Variants in DNAH8 observed in about 807,000 individuals in gnomAD.
DNAH8 encodes the protein axonemal beta dynein heavy chain 8.
A neutral mutation model predicts 562.1 loss-of-function variants in DNAH8; 382 were observed. That is an observed-to-expected ratio of 0.68 (90% CI 0.63 to 0.74). DNAH8 has a LOEUF of 0.74. Among genes scored for constraint, DNAH8 ranks in the 30% least tolerant of loss-of-function variants. The probability of loss-of-function intolerance (pLI) is 0.00; values close to 1 mark genes in which losing one functional copy is unlikely to be tolerated. For missense variants in DNAH8, 5,203 were observed against 5,620.4 expected, an observed-to-expected ratio of 0.93 and a Z score of 2.37; for synonymous variants, 1,881 against 1,919.4, an observed-to-expected ratio of 0.98 and a Z score of 0.52.
At chr6:38,882,714 A>C (rs1156290650) in intron 53 of DNAH8, among the ~76,000 whole-genome samples, 196 bp from the exon 54 acceptor site, 1 of 152,198 alleles carries the variant, frequency 6.6e-6, no homozygotes, top group Non-Finnish European at 1.5e-5. Flanking sequence ...TTAAAAGCTG[A>C]CTTTATAAAA....
chr6:38,957,582 C>T (rs1762326806), intron 82 of DNAH8, among the ~76,000 whole-genome samples: 1 of 145,804 alleles, frequency 6.9e-6, no homozygotes, highest in African/African-American at 2.5e-5. Context: ...TATGAAGCCA[C>T]AAAACAAGTC....
intron 26 of DNAH8, among the ~76,000 whole-genome samples, chr6:38,817,978 T>A (rs1772443186): frequency 6.6e-6 from 1 of 152,186 alleles, no homozygotes; most frequent in Non-Finnish European, 1.5e-5. Context: ...ACAGTTCTTT[T>A]AAATATATTT....
chr6:38,940,513 T>C (rs184012361), intron 79 of DNAH8, among the ~76,000 whole-genome samples: 1 of 152,278 alleles, frequency 6.6e-6, no homozygotes, highest in Admixed American at 6.5e-5. Flanking sequence ...AACCAAGGTG[T>C]ACTTCTCATT....
chr6:38,945,771 T>C (rs1344722863), intron 80 of DNAH8, among the ~76,000 whole-genome samples, 183 bp downstream of exon 80: 1 of 152,188 alleles, frequency 6.6e-6, no homozygotes, highest in African/African-American at 2.4e-5. Flanking sequence ...GGTTAACCTC[T>C]TCATAGTTGC....
Position 38,921,435 on chromosome 6 carries a change from C to T in DNAH8, c.10591C>T (p.Leu3531=), listed in dbSNP as rs150730516. Residue 3531 remains leucine, a synonymous_variant, in exon 71 of 93, where the codon CTG becomes TTG. Coordinates refer to ENST00000327475, the MANE Select transcript of DNAH8 (RefSeq NM_001206927.2). Reference sequence around the variant, plus strand: ...TGCTGAGTTAGGGAAGGCACAAGCCCTGCTGGATGAGAAGCAAGCTGAGCT... The same window carrying T: ...TGCTGAGTTAGGGAAGGCACAAGCCTTGCTGGATGAGAAGCAAGCTGAGCT... ...ANAELGKAQA[L]LDEKQAELDK... 411 of 1,613,768 alleles carry T rather than the reference C, an allele frequency of 2.5e-4. 1 individual carries two copies. In the African/African-American group the frequency reaches 4.7e-3, roughly 18 times the overall value.
At position 38,945,512 on chromosome 6, in the gene DNAH8, G is replaced by A. The variant is rs144156671; in HGVS notation, c.12053G>A (p.Arg4018His). 7.5e-5 allele frequency: 121 copies of A among 1,613,992 alleles called. No homozygotes were observed. Among genetic ancestry groups the A allele is most frequent in the African/African-American group, 2.8e-4 (21 of 74,912 alleles). ...DLKACPPKPYRWILDMTWLNL... is the reference protein window; with the variant it reads ...DLKACPPKPYHWILDMTWLNL... ...AAAGCCTGTCCTCCCAAACCCTATC[G>A]CTGGATCCTTGACATGACTTGGCTG... Residue 4018 changes from arginine to histidine, a missense_variant, in exon 80 of 93, where the codon CGC (arginine) becomes CAC (histidine). Around this residue, in one of 6 missense-constraint regions of DNAH8, gnomAD observed 1,399 missense variants for 1,518.4 expected, o/e 0.92. Transcript: ENST00000327475.
chr6:38,873,098 G>A lies in DNAH8; in HGVS notation c.7430G>A (p.Gly2477Asp), dbSNP rs770404842. 1 of 1,613,868 alleles carries A rather than the reference G, an allele frequency of 6.2e-7. No individual in the cohort carries two copies. The highest frequency in any genetic ancestry group is 1.1e-5 in the South Asian group (1 of 91,080). ...TCTCCTGCCACGGTTTCTAGGATGG[G>A]CATGGTCTATATCAGCAGCTCTGCT... ...NASPATVSRM[G>D]MVYISSSALS... The change falls in exon 51 of 93, where the codon GGC (glycine) becomes GAC (aspartate). Residue 2477 changes from glycine to aspartate, a missense_variant. Physicochemically the swap from Gly to Asp is moderately conservative, Grantham distance 94. This residue lies in a region of DNAH8 where 977 missense variants were observed against 1,061.8 expected (regional missense o/e 0.92). Transcript: ENST00000327475.
chr6:38,789,061 C>A (rs865941635), intron 18 of DNAH8, among the ~76,000 whole-genome samples: 1 of 152,058 alleles, frequency 6.6e-6, no homozygotes, highest in African/African-American at 2.4e-5. Context: ...TGTTATAAAT[C>A]GAAGCTAATA....
chr6:38,815,421 G>A lies in DNAH8; in HGVS notation c.3334-47G>A, dbSNP rs752127757. On this transcript the variant is annotated intron_variant, in intron 25 of 92. Transcript: ENST00000327475. ...TGGAGGTGGTGAAAATTGAGGGATGGACTGTATGTGCCGGCAGTATTACAC... is the reference window on the plus strand; with the variant it reads ...TGGAGGTGGTGAAAATTGAGGGATGAACTGTATGTGCCGGCAGTATTACAC... 11 of 1,476,692 alleles carry A rather than the reference G, an allele frequency of 7.4e-6. No individual in the cohort carries two copies. In the African/African-American group the frequency reaches 1.2e-4, roughly 17 times the overall value. 91.5% of individuals were successfully genotyped at this position (1,476,692 alleles called of 1,614,324 possible).
chr6:38,740,752 C>T (rs758802242), intron 7 of DNAH8, among the ~76,000 whole-genome samples: 3 of 152,022 alleles, frequency 2.0e-5, no homozygotes, highest in Non-Finnish European at 4.4e-5. Flanking sequence ...GTAGCTGGGA[C>T]TACAGGCATG....
chr6:38,884,699 C>G (rs1205236309), intron 56 of DNAH8, among the ~76,000 whole-genome samples: 1 of 152,160 alleles, frequency 6.6e-6, no homozygotes, highest in African/African-American at 2.4e-5. Context: ...TACATCCTTG[C>G]TCTAACCTCT....
At chr6:38,862,527 A>C in intron 44 of DNAH8, 69 bp downstream of exon 44, 2 of 1,508,916 alleles carry the variant, frequency 1.3e-6, no homozygotes, top group South Asian at 2.6e-5. Flanking sequence ...TTATTTTCTG[A>C]TATAAATCCA....
chr6:38,742,940 T>G (rs541625202), intron 8 of DNAH8, among the ~76,000 whole-genome samples: 1 of 151,856 alleles, frequency 6.6e-6, no homozygotes, highest in Non-Finnish European at 1.5e-5. Context: ...ATAGTATATC[T>G]TGGAGAGTTA....
chr6:38,902,895 A>G (rs1780169328), intron 62 of DNAH8, among the ~76,000 whole-genome samples: 1 of 152,240 alleles, frequency 6.6e-6, no homozygotes, highest in South Asian at 2.1e-4. Flanking sequence ...ATTTTGGTCA[A>G]CAACAGACAA....
chr6:38,915,036 A>C (rs2150539537), intron 67 of DNAH8, among the ~76,000 whole-genome samples, 165 bp from the exon 68 acceptor site: 1 of 152,284 alleles, frequency 6.6e-6, no homozygotes, highest in Non-Finnish European at 1.5e-5. Flanking sequence ...GAACTGCTCA[A>C]AGGAATTTAC....
intron 47 of DNAH8, among the ~76,000 whole-genome samples, 166 bp downstream of exon 47, chr6:38,867,042 T>G (rs1204878144): frequency 6.6e-6 from 1 of 152,226 alleles, no homozygotes; most frequent in African/African-American, 2.4e-5. Context: ...AAGACCCTTT[T>G]ATTTTGAAAT....
rs150237480 is a variant in DNAH8 at position 38,738,106 on chromosome 6, C to G, written c.1116+134C>G. 7,608 of 820,144 alleles carry G rather than the reference C, an allele frequency of 9.3e-3. 53 individuals are homozygous for G. The highest frequency in any genetic ancestry group is 0.012 in the Non-Finnish European group (6,773 of 545,872). 50.8% of individuals were successfully genotyped at this position (820,144 alleles called of 1,614,324 possible). A position where few individuals can be genotyped will look rare whatever the true frequency, so the allele number is the denominator to read the frequency against. On this transcript the variant is annotated intron_variant, in intron 7 of 92. Coordinates refer to ENST00000327475, the MANE Select transcript of DNAH8 (RefSeq NM_001206927.2). ...TCCAGAATCTAGTTTGAAACTCAGC[C>G]AATTTTTGGGTCTAGAGCAAAATCA... is the stretch of plus-strand genomic sequence containing the variant.
At chr6:39,009,961 A>G (rs1203417340) in intron 89 of DNAH8, among the ~76,000 whole-genome samples, 2 of 152,218 alleles carry the variant, frequency 1.3e-5, no homozygotes, top group Admixed American at 1.3e-4. Flanking sequence ...ACAAGGCAGC[A>G]TACTTGCCTT....
At chr6:38,839,318 A>C (rs993457788) in intron 33 of DNAH8, among the ~76,000 whole-genome samples, 21 of 114,326 alleles carry the variant, frequency 1.8e-4, no homozygotes, top group African/African-American at 8.2e-4. Flanking sequence ...TTTATGAATA[A>C]TTTTAGAGAA....
Sources: allele counts gnomAD v4.1 joint callset (sites outside exome capture counted in the v4.1 genomes callset), GRCh38; gene constraint gnomAD v4.1.1; regional missense constraint gnomAD v4.1.1; transcripts MANE v1.5; gene names NCBI Gene and HGNC (gene_info 2026-07-23, HGNC 2026-07-21).